The following LRRTM4 variants were observed in gnomAD, a reference collection of about 807,000 sequenced individuals.
LRRTM4 encodes the protein leucine rich repeat transmembrane neuronal 4.
LRRTM4 carries 25 observed loss-of-function variants against 47.6 expected under a neutral mutation model. That is an observed-to-expected ratio of 0.53 (90% confidence interval 0.38 to 0.73). The LOEUF is 0.73. Among genes scored for constraint, LRRTM4 ranks in the 30% least tolerant of loss-of-function variants. The pLI, the probability that LRRTM4 is intolerant of heterozygous loss-of-function variation, is 0.00. For missense variants in LRRTM4, 638 were observed against 713.4 expected, an observed-to-expected ratio of 0.89 and a Z score of 1.20; for synonymous variants, 311 against 269.5, an observed-to-expected ratio of 1.15 and a Z score of -1.51.
intron 3 of LRRTM4, among the ~76,000 whole-genome samples, chr2:77,350,332 CAAAAAAAAAAAAAAA>C (rs61365229): frequency 5.1e-5 from 2 of 39,182 alleles, no homozygotes; most frequent in Admixed American, 5.3e-4. Context: ...GACTCCGTCT[CAAAAAAAAAAAAAAA>C]AAAAAAAAAA....
At chr2:76,899,537 T>C (rs1170051913) in intron 3 of LRRTM4, among the ~76,000 whole-genome samples, 1 of 151,994 alleles carries the variant, frequency 6.6e-6, no homozygotes, top group African/African-American at 2.4e-5. Flanking sequence ...GGAGAAGATA[T>C]CCTACATGAA....
chr2:77,120,694 C>T (rs72807275), intron 3 of LRRTM4, among the ~76,000 whole-genome samples: 19,034 of 151,574 alleles, frequency 0.13, 1,434 homozygotes, highest in Non-Finnish European at 0.17. Context: ...CTTGACAGTG[C>T]TGAAAATACA....
Position 76,748,572 on chromosome 2 carries a change from A to G in LRRTM4, c.*123T>C. 1.3e-6 allele frequency: 1 copy of G among 779,550 alleles called. No individual in the cohort carries two copies. Among genetic ancestry groups the G allele is most frequent in the South Asian group, 1.7e-5 (1 of 57,650 alleles). The allele number at this position is 779,550 out of a possible 1,614,324, so 48.3% of individuals were successfully genotyped here. A position where few individuals can be genotyped will look rare whatever the true frequency, so the allele number is the denominator to read the frequency against. On this transcript the variant is annotated 3_prime_UTR_variant, in exon 4 of 4. Coordinates refer to ENST00000409884, the MANE Select transcript of LRRTM4 (RefSeq NM_001134745.3). The stretch of plus-strand genomic sequence containing the variant: ...TTTCTCTTTTTCTTTTCTCTATGCC[A>G]TAAATGTTTTAACAGGAACGATGAG...
At position 77,300,324 on chromosome 2, in the gene LRRTM4, A is replaced by T. The variant is rs72622650; in HGVS notation, c.1551+217994T>A. Among the ~76,000 whole-genome samples, 67 of 152,310 alleles carry T rather than the reference A, an allele frequency of 4.4e-4. 2 individuals are homozygous for T. In the East Asian group the frequency reaches 0.012, roughly 27 times the overall value. On this transcript the variant is annotated intron_variant, in intron 3 of 3. Coordinates refer to ENST00000409884, the MANE Select transcript of LRRTM4 (RefSeq NM_001134745.3). ...AACATTTGTACTAATCTTTAATGCT[A>T]CTATCTAGGTGAAAAATTAGAAATA... is the stretch of plus-strand genomic sequence containing the variant.
intron 3 of LRRTM4, among the ~76,000 whole-genome samples, chr2:76,797,462 A>G (rs184218349): frequency 0.082 from 12,543 of 152,086 alleles, 566 homozygotes; most frequent in Middle Eastern, 0.15. Context: ...GCTCCTGAAG[A>G]AAGCACTAAA....
intron 3 of LRRTM4, among the ~76,000 whole-genome samples, chr2:77,421,146 G>C (rs939127930): frequency 6.6e-6 from 1 of 152,040 alleles, no homozygotes; most frequent in African/African-American, 2.4e-5. Context: ...AATAGAACTA[G>C]TAGCTATAGT....
At chr2:77,053,923 G>A (rs772930576) in intron 3 of LRRTM4, among the ~76,000 whole-genome samples, 16 of 152,012 alleles carry the variant, frequency 1.1e-4, no homozygotes, top group Non-Finnish European at 1.6e-4. Context: ...TGATGTGAGT[G>A]GTAGATAATT....
intron 3 of LRRTM4, among the ~76,000 whole-genome samples, chr2:76,895,603 G>C (rs775649780): frequency 6.6e-6 from 1 of 151,924 alleles, no homozygotes; most frequent in Non-Finnish European, 1.5e-5. Context: ...CTTTTACCTT[G>C]AACTCTAGAT....
intron 3 of LRRTM4, among the ~76,000 whole-genome samples, chr2:77,055,496 T>C (rs1679572415): frequency 6.6e-6 from 1 of 152,108 alleles, no homozygotes; most frequent in Admixed American, 6.6e-5. Context: ...TGAGATACCA[T>C]CTCACACCAG....
intron 3 of LRRTM4, among the ~76,000 whole-genome samples, chr2:77,013,961 G>A (rs1677963970): frequency 6.6e-6 from 1 of 152,152 alleles, no homozygotes; most frequent in African/African-American, 2.4e-5. Flanking sequence ...TTGACAATAA[G>A]ATTAGGTTGG....
chr2:76,975,115 C>T (rs989219488), intron 3 of LRRTM4, among the ~76,000 whole-genome samples: 2 of 151,676 alleles, frequency 1.3e-5, no homozygotes, highest in Admixed American at 6.6e-5. Context: ...TAATTGGTGA[C>T]ACTGGTTGAT....
chr2:76,840,657 G>A lies in LRRTM4; in HGVS notation c.1552-91741C>T, dbSNP rs1423315476. ...TTTCACAGCTGCCCCGACTACATGT[G>A]CAATCATTTCTCCACTTTGTATGAA... On this transcript the variant is annotated intron_variant, in intron 3 of 3. Transcript: ENST00000409884. Among the ~76,000 whole-genome samples, 3 of 152,156 alleles carry A rather than the reference G, an allele frequency of 2.0e-5. No individual in the cohort carries two copies. In the East Asian group the frequency reaches 5.8e-4, roughly 29 times the overall value.
chr2:77,258,640 A>C (rs1186073475), intron 3 of LRRTM4, among the ~76,000 whole-genome samples: 1 of 152,080 alleles, frequency 6.6e-6, no homozygotes, highest in African/African-American at 2.4e-5. Context: ...TGGCACTGAG[A>C]TAGTAAACTC....
At chr2:76,844,758 G>A (rs1671790451) in intron 3 of LRRTM4, among the ~76,000 whole-genome samples, 1 of 152,108 alleles carries the variant, frequency 6.6e-6, no homozygotes, top group Admixed American at 6.5e-5. Context: ...ATGTTTGGAT[G>A]TTGCTTAGAG....
At chr2:77,292,038 C>T (rs867796194) in intron 3 of LRRTM4, among the ~76,000 whole-genome samples, 25 of 152,000 alleles carry the variant, frequency 1.6e-4, no homozygotes, top group African/African-American at 5.5e-4. Context: ...GGGCAAAGGA[C>T]ATGAACAGAC....
intron 3 of LRRTM4, among the ~76,000 whole-genome samples, chr2:76,753,667 G>A (rs1053626992): frequency 6.6e-6 from 1 of 152,084 alleles, no homozygotes. Flanking sequence ...GGGAGGCAGG[G>A]TAATTATAGA....
chr2:76,875,206 G>A (rs917735809), intron 3 of LRRTM4, among the ~76,000 whole-genome samples: 4 of 152,090 alleles, frequency 2.6e-5, no homozygotes, highest in Non-Finnish European at 5.9e-5. Flanking sequence ...GTCTGCATTT[G>A]CCTCAGATAA....
At chr2:77,005,788 T>C (rs780950299) in intron 3 of LRRTM4, among the ~76,000 whole-genome samples, 7 of 152,198 alleles carry the variant, frequency 4.6e-5, no homozygotes, top group Non-Finnish European at 7.3e-5. Context: ...CAAACCTCTT[T>C]CCTTTATAAA....
At chr2:77,267,011 C>CA (rs959136873) in intron 3 of LRRTM4, among the ~76,000 whole-genome samples, 29 of 151,982 alleles carry the variant, frequency 1.9e-4, no homozygotes, top group African/African-American at 6.5e-4. Context: ...CAAACAGAAA[C>CA]AAAAAAACAA....
Sources: allele counts gnomAD v4.1 joint callset (sites outside exome capture counted in the v4.1 genomes callset), GRCh38; gene constraint gnomAD v4.1.1; transcripts MANE v1.5; gene names NCBI Gene and HGNC (gene_info 2026-07-23, HGNC 2026-07-21).